AOPEP: variants seen among roughly 807,000 people sequenced by gnomAD.
AOPEP encodes the protein aminopeptidase O.
A neutral mutation model predicts 98.1 loss-of-function variants in AOPEP; 77 were observed. That is an observed-to-expected ratio of 0.78 (90% CI 0.65 to 0.95). The LOEUF (loss-of-function observed/expected upper bound fraction) is 0.95, where lower values mean the gene tolerates loss of function less well. Ranked by LOEUF, AOPEP falls within the 40% of genes least tolerant of loss-of-function variation. The probability of loss-of-function intolerance (pLI) is 0.00; values close to 1 mark genes in which losing one functional copy is unlikely to be tolerated. For synonymous variants in AOPEP, 346 were observed against 365.3 expected (o/e 0.95, Z 0.60); for missense variants, 1,024 against 1,024.7 (o/e 1.00, Z 0.01).
chr9:95,066,676 G>T (rs911782576), intron 14 of AOPEP, among the ~76,000 whole-genome samples: 9 of 152,118 alleles, frequency 5.9e-5, no homozygotes, highest in Non-Finnish European at 1.2e-4. Flanking sequence ...GGGCCTCTGT[G>T]TTTGCTCCAT....
intron 7 of AOPEP, among the ~76,000 whole-genome samples, chr9:94,945,016 T>C (rs2057461566): frequency 6.6e-6 from 1 of 151,966 alleles, no homozygotes. Flanking sequence ...GGAGGAGACA[T>C]GGAAAAAGAA....
chr9:94,777,601 G>A (rs1028495216), intron 3 of AOPEP, among the ~76,000 whole-genome samples: 1 of 149,320 alleles, frequency 6.7e-6, no homozygotes, highest in Non-Finnish European at 1.5e-5. Flanking sequence ...TCTGGCAAAA[G>A]GCTTGTACCT....
At chr9:95,118,207 T>TG in the AOPEP span, among the ~76,000 whole-genome samples, 2 of 151,452 alleles carry the variant, frequency 1.3e-5, no homozygotes, top group African/African-American at 2.4e-5. Flanking sequence ...TTAGTGGAGA[T>TG]GGGGTTTCAC....
chr9:95,093,962 T>TGAA, the AOPEP span, among the ~76,000 whole-genome samples: 1 of 152,246 alleles, frequency 6.6e-6, no homozygotes, highest in Non-Finnish European at 1.5e-5. Context: ...TCAGTGTGTG[T>TGAA]GAAGTGGACA....
the AOPEP span, chr9:95,135,544 C>T: frequency 6.3e-7 from 1 of 1,582,994 alleles, no homozygotes; most frequent in African/African-American, 1.4e-5. Context: ...AGAAATGGCT[C>T]ACTGAAAAAA....
At chr9:94,940,051 G>A (rs1274050186) in intron 7 of AOPEP, among the ~76,000 whole-genome samples, 4 of 152,102 alleles carry the variant, frequency 2.6e-5, no homozygotes, top group Non-Finnish European at 4.4e-5. Flanking sequence ...CAAAAATATC[G>A]GAAGTCTGAA....
chr9:94,760,625 T>G (rs375030149), intron 2 of AOPEP, 45 bp downstream of exon 2: 13 of 1,450,398 alleles, frequency 9.0e-6, no homozygotes, highest in Non-Finnish European at 1.1e-5. Context: ...GTTAATCTTG[T>G]ACGCTGCGGG....
At chr9:94,830,401 A>G (rs1361372936) in intron 5 of AOPEP, among the ~76,000 whole-genome samples, 2 of 152,212 alleles carry the variant, frequency 1.3e-5, no homozygotes, top group African/African-American at 2.4e-5. Context: ...ATAGTATTCC[A>G]TGGTGTATAT....
intron 5 of AOPEP, among the ~76,000 whole-genome samples, chr9:94,813,049 C>A (rs1254289084): frequency 2.6e-5 from 4 of 151,936 alleles, no homozygotes; most frequent in African/African-American, 9.7e-5. Context: ...GTGGGCTGTA[C>A]AAAGTGGTTT....
chr9:94,878,788 C>A (rs2047256015), intron 5 of AOPEP, among the ~76,000 whole-genome samples: 1 of 152,210 alleles, frequency 6.6e-6, no homozygotes, highest in Non-Finnish European at 1.5e-5. Context: ...ACCATTTGTT[C>A]TTTCAGCCTT....
chr9:95,005,038 C>A, intron 11 of AOPEP, 120 bp from the exon 12 acceptor site: 1 of 317,660 alleles, frequency 3.1e-6, no homozygotes, highest in Non-Finnish European at 4.6e-6. Flanking sequence ...CCGGCGCCGC[C>A]GCTGCGTCCT....
chr9:94,780,139 T>C (rs562690594), intron 3 of AOPEP, among the ~76,000 whole-genome samples: 151 of 152,290 alleles, frequency 9.9e-4, no homozygotes, highest in Non-Finnish European at 1.7e-3. Context: ...TTTGACTGCC[T>C]TCATGTTACA....
intron 13 of AOPEP, among the ~76,000 whole-genome samples, chr9:95,049,918 C>G (rs138724737): frequency 3.4e-4 from 52 of 152,226 alleles, no homozygotes; most frequent in African/African-American, 9.4e-4. Flanking sequence ...TAAGAGAATA[C>G]TTTTTTGGCA....
chr9:95,019,465 C>T (rs987157561), intron 13 of AOPEP: 2 of 152,078 alleles, frequency 1.3e-5, no homozygotes, highest in African/African-American at 2.4e-5. Context: ...ATTTGAAGTT[C>T]CTTTAAAGGC....
Position 94,955,180 on chromosome 9 carries a change from C to A in AOPEP, c.1665C>A (p.Pro555=). The stretch of plus-strand genomic sequence containing the variant: ...AATTGTTACTAAATCGTTTTAGACC[C>A]AGTAAAGACAAAACTGGCCACACAA... ...CSPEEMQVLR[P]SKDKTGHTSD... is the part of the protein sequence containing the mutation. Residue 555 remains proline (P), a synonymous_variant, in exon 8 of 17, where the codon CCC becomes CCA. Transcript: ENST00000375315. 1 of 1,603,636 alleles carries A rather than the reference C, an allele frequency of 6.2e-7. No homozygotes were observed. The highest frequency in any genetic ancestry group is 8.5e-7 in the Non-Finnish European group (1 of 1,172,330).
intron 13 of AOPEP, among the ~76,000 whole-genome samples, chr9:95,015,688 G>A (rs996692757): frequency 1.3e-5 from 2 of 152,168 alleles, no homozygotes; most frequent in African/African-American, 4.8e-5. Flanking sequence ...ATCTCTATAA[G>A]GGAAGTCATC....
At chr9:94,884,730 G>C (rs1443216726) in intron 5 of AOPEP, among the ~76,000 whole-genome samples, 1 of 152,208 alleles carries the variant, frequency 6.6e-6, no homozygotes, top group Non-Finnish European at 1.5e-5. Flanking sequence ...ATCAGGCACT[G>C]GCCGGGCGCG....
chr9:95,084,040 T>C (rs57232080), intron 16 of AOPEP, among the ~76,000 whole-genome samples: 2 of 152,158 alleles, frequency 1.3e-5, no homozygotes, highest in Non-Finnish European at 2.9e-5. Flanking sequence ...CAATCATCAT[T>C]ATTTCTGTGT....
chr9:94,839,771 TC>T (rs895179905), intron 5 of AOPEP, among the ~76,000 whole-genome samples: 13 of 152,092 alleles, frequency 8.5e-5, no homozygotes, highest in African/African-American at 3.1e-4. Flanking sequence ...TTTTTCTTCT[TC>T]CTGATCTTTT....
Sources: gnomAD v4.1 joint callset for allele counts (sites outside exome capture counted in the v4.1 genomes callset) on GRCh38, gnomAD v4.1.1 for gene constraint, MANE v1.5 for transcripts, NCBI Gene and HGNC (gene_info 2026-07-23, HGNC 2026-07-21) for gene names.